Variants in PPM1G observed in about 807,000 individuals in gnomAD.
The protein encoded by PPM1G is protein phosphatase, Mg2+/Mn2+ dependent 1G.
Under a neutral mutation model 59.4 loss-of-function variants are expected in PPM1G, and 12 were observed. The observed-to-expected ratio is 0.20, with a 90% CI of 0.13 to 0.33. The LOEUF (loss-of-function observed/expected upper bound fraction) is 0.33, where lower values mean the gene tolerates loss of function less well. Ranked by LOEUF, PPM1G falls within the 10% of genes least tolerant of loss-of-function variation. The probability of loss-of-function intolerance (pLI) is 1.00; values close to 1 mark genes in which losing one functional copy is unlikely to be tolerated. For missense variants in PPM1G, 392 were observed against 681.3 expected (o/e 0.58, Z 4.73); for synonymous variants, 245 against 251.9 (o/e 0.97, Z 0.26).
chr2:27,403,647 G>A (rs1227253519), intron 1 of PPM1G, among the ~76,000 whole-genome samples: 1 of 152,144 alleles, frequency 6.6e-6, no homozygotes, highest in African/African-American at 2.4e-5. Context: ...AGCACTTTGG[G>A]AGGCGGAGGC....
rs764879930 is a variant in PPM1G at position 27,382,911 on chromosome 2, C to T, written c.1202-306G>A. 3.5e-4 allele frequency among the ~76,000 whole-genome samples: 53 copies of T among 151,738 alleles called. No homozygotes were observed. The highest frequency in any genetic ancestry group is 6.0e-4 in the Non-Finnish European group (41 of 67,938). ...CACGATCTCGGCTCACTACAACCTC[C>T]GCCTCCCGGATTCAAGCGGTTCTCC... On this transcript the variant is annotated intron_variant, in intron 7 of 9. Transcript: ENST00000344034. This position sits in a 1 kb window ranked among gnomAD's most constrained non-coding sequence, Gnocchi z 4.2.
At chr2:27,402,854 AAAATAAACAT>A (rs1684218251) in intron 1 of PPM1G, among the ~76,000 whole-genome samples, 1 of 147,448 alleles carries the variant, frequency 6.8e-6, no homozygotes, top group African/African-American at 2.5e-5. Context: ...ATAAATAAAT[AAAATAAACAT>A]AAATAAAATT....
chr2:27,393,109 T>C, intron 1 of PPM1G: 2 of 1,307,188 alleles, frequency 1.5e-6, no homozygotes, highest in Non-Finnish European at 2.2e-6. Context: ...TCTGGTTTCT[T>C]GATATCCTGA....
rs1269084625 is a variant in PPM1G, at chr2:27,393,137, T to G, written c.121-5979A>C. On this transcript the variant is annotated intron_variant, in intron 1 of 9. Transcript: ENST00000344034. ...TATCCTGAAGGAAGATTCGGCCACCTCGTTGGTTCTACAGCTTCATCAATT... is the reference window on the plus strand; with the variant it reads ...TATCCTGAAGGAAGATTCGGCCACCGCGTTGGTTCTACAGCTTCATCAATT... The G allele has an allele frequency of 7.3e-6, 10 of 1,374,054 alleles. No homozygotes were observed. In the East Asian group the frequency reaches 2.1e-4, roughly 28 times the overall value. 85.1% of individuals were successfully genotyped at this position (1,374,054 alleles called of 1,614,324 possible).
chr2:27,381,957 G>A, intron 9 of PPM1G, 152 bp from the exon 10 acceptor site: 2 of 1,008,750 alleles, frequency 2.0e-6, no homozygotes, highest in Non-Finnish European at 3.0e-6. Context: ...AGTCCATAAG[G>A]CATAAGGCTA....
At chr2:27,397,940 T>C (rs1041861481) in intron 1 of PPM1G, among the ~76,000 whole-genome samples, 2 of 152,118 alleles carry the variant, frequency 1.3e-5, no homozygotes, top group African/African-American at 4.8e-5. Flanking sequence ...AGAGTACATC[T>C]ATGAAAAACT....
rs1405262176 is a variant in PPM1G at position 27,381,794 on chromosome 2, C to G, written c.1446G>C (p.Gln482His). ...CCCCAGAAGTGTCTGGTGCCAGGCACTGATCCAGCAGCTAAGAAAGGGATG... is the reference window on the plus strand; with the variant it reads ...CCCCAGAAGTGTCTGGTGCCAGGCAGTGATCCAGCAGCTAAGAAAGGGATG... ...LSSIVEELLDQCLAPDTSGDG... is the reference protein window; with the variant it reads ...LSSIVEELLDHCLAPDTSGDG... The change falls in exon 10 of 10, where the codon CAG (glutamine) becomes CAC (histidine). Residue 482 changes from glutamine to histidine, a missense_variant. This residue lies in a region of PPM1G where 29 missense variants were observed against 38.9 expected (regional missense o/e 0.75). Coordinates refer to ENST00000344034, the MANE Select transcript of PPM1G (RefSeq NM_177983.3). The G allele has an allele frequency of 1.9e-6, 3 of 1,612,602 alleles. No individual in the cohort carries two copies. Among genetic ancestry groups the G allele is most frequent in the Admixed American group, 3.3e-5 (2 of 59,986 alleles).
At chr2:27,404,800 C>T (rs569353303) in intron 1 of PPM1G, among the ~76,000 whole-genome samples, 4 of 151,434 alleles carry the variant, frequency 2.6e-5, no homozygotes, top group South Asian at 2.1e-4. Flanking sequence ...AAAAATTAGC[C>T]GGGCATGGTG....
At chr2:27,393,325 G>A in intron 1 of PPM1G, 1 of 1,597,858 alleles carries the variant, frequency 6.3e-7, no homozygotes, top group South Asian at 1.1e-5. Flanking sequence ...TCTGAGTCTT[G>A]GTGGTAGTTC....
chr2:27,392,043 C>A (rs1209772597), intron 1 of PPM1G, among the ~76,000 whole-genome samples: 1 of 150,982 alleles, frequency 6.6e-6, no homozygotes, highest in Non-Finnish European at 1.5e-5. Context: ...GATGTTCTTT[C>A]TCTCTATACC....
chr2:27,396,643 C>T (rs1349043277), intron 1 of PPM1G, among the ~76,000 whole-genome samples: 8 of 151,706 alleles, frequency 5.3e-5, no homozygotes, highest in African/African-American at 1.2e-4. Context: ...GGAGAAACCC[C>T]GTCTCTACTA....
chr2:27,384,883 G>T lies in PPM1G; in HGVS notation c.615C>A (p.Gly205=), dbSNP rs372242443. 13 of 1,613,998 alleles carry T rather than the reference G, an allele frequency of 8.1e-6. No homozygotes were observed. The highest frequency in any genetic ancestry group is 1.3e-5 in the African/African-American group (1 of 74,902). Residue 205 remains glycine, a synonymous_variant, in exon 5 of 10, where the codon GGC becomes GGA. Transcript: ENST00000344034. This position sits in a 1 kb window ranked among gnomAD's most constrained non-coding sequence, Gnocchi z 4.8. ...AGCCTGTGTAGGCCTTGGCTGTGGG[G>T]CCATTTTCTTGTGAAGGAGTTTCCC... The part of the protein sequence containing the change: ...STRETPSQEN[G]PTAKAYTGFS...
At chr2:27,409,061 C>T (rs1663450173) in intron 1 of PPM1G, among the ~76,000 whole-genome samples, 1 of 152,164 alleles carries the variant, frequency 6.6e-6, no homozygotes. Flanking sequence ...GGTCAGTGGG[C>T]GGAAGGTGCC....
intron 1 of PPM1G, among the ~76,000 whole-genome samples, chr2:27,397,434 TCAA>T (rs1684079007): frequency 1.3e-5 from 2 of 151,986 alleles, no homozygotes. Context: ...ACAAAAATCC[TCAA>T]CAAAATAGTA....
In PPM1G at chr2:27,382,645, C is replaced by G; in HGVS notation, c.1202-40G>C. 1.2e-6 allele frequency: 2 copies of G among 1,611,566 alleles called. No homozygotes were observed. The highest frequency in any genetic ancestry group is 2.2e-5 in the South Asian group (2 of 90,846). On this transcript the variant is annotated intron_variant, in intron 7 of 9. Coordinates refer to ENST00000344034, the MANE Select transcript of PPM1G (RefSeq NM_177983.3). This position sits in a 1 kb window ranked among gnomAD's most constrained non-coding sequence, Gnocchi z 4.2. ...TGGTTGATGAGCAGTTTGGATACTT[C>G]CCACAGACTTGTGTTTGTGGCAGGT...
intron 1 of PPM1G, among the ~76,000 whole-genome samples, chr2:27,394,994 C>T (rs1481033504): frequency 1.3e-5 from 2 of 151,888 alleles, no homozygotes; most frequent in East Asian, 3.9e-4. Context: ...CTTTGGGAGG[C>T]CAAGGCGGGT....
In PPM1G at chr2:27,383,472, A is replaced by C; in HGVS notation, c.1095T>G (p.Asp365Glu). The C allele has an allele frequency of 6.2e-7, 1 of 1,614,098 alleles. No homozygotes were observed. The highest frequency in any genetic ancestry group is 8.5e-7 in the Non-Finnish European group (1 of 1,180,024). ...GTTCTACTTCATCCTCTGGTTTGTG[A>C]TCATAGGACATGTCTAAAGCTTTGC... ...EAGKALDMSYDHKPEDEVELA... is the reference protein window; with the variant it reads ...EAGKALDMSYEHKPEDEVELA... The change falls in exon 7 of 10, where the codon GAT becomes GAG. Residue 365 changes from aspartate (D) to glutamate (E), a missense_variant. Asp to Glu is a conservative substitution (Grantham distance 45). This residue lies in a region of PPM1G where 53 missense variants were observed against 175.4 expected (regional missense o/e 0.30). Coordinates refer to ENST00000344034, the MANE Select transcript of PPM1G (RefSeq NM_177983.3). This position sits in a 1 kb window ranked among gnomAD's most constrained non-coding sequence, Gnocchi z 5.0.
rs1270254 is a variant in PPM1G, at chr2:27,391,878, C to T, written c.121-4720G>A. Among the ~76,000 whole-genome samples, 776 of 151,754 alleles carry T rather than the reference C, an allele frequency of 5.1e-3. 4 individuals are homozygous for T. The highest frequency in any genetic ancestry group is 0.018 in the African/African-American group (735 of 41,386). On this transcript the variant is annotated intron_variant, in intron 1 of 9. Coordinates refer to ENST00000344034, the MANE Select transcript of PPM1G (RefSeq NM_177983.3). The stretch of plus-strand genomic sequence containing the variant: ...TCCTGAGTAGCTGGGATAACAGGCA[C>T]GCGCCGCCACGCCCAGCTAATTTTT...
chr2:27,409,246 T>C, intron 1 of PPM1G, 57 bp downstream of exon 1: 4 of 1,518,688 alleles, frequency 2.6e-6, no homozygotes, highest in South Asian at 2.4e-5. Flanking sequence ...CCCCGCTCTC[T>C]TTCTCCGTCA....
Sources: allele counts gnomAD v4.1 joint callset (sites outside exome capture counted in the v4.1 genomes callset), GRCh38; gene constraint gnomAD v4.1.1; regional missense constraint gnomAD v4.1.1; non-coding constraint Gnocchi (gnomAD v3.1); transcripts MANE v1.5; gene names NCBI Gene and HGNC (gene_info 2026-07-23, HGNC 2026-07-21).